AUTS2: variants seen among roughly 807,000 people sequenced by gnomAD.
The protein encoded by AUTS2 is autism susceptibility gene 2 protein.
In AUTS2, 17 loss-of-function variants were observed where a neutral mutation model predicts 112.4. The observed-to-expected ratio is 0.15, with a 90% CI of 0.10 to 0.23. The LOEUF (loss-of-function observed/expected upper bound fraction) is 0.23. AUTS2 is among the 10% of genes least tolerant of loss of function. AUTS2 has a pLI of 1.00. For missense variants in AUTS2, 1,510 were observed against 1,701.6 expected (o/e 0.89, Z 1.98); for synonymous variants, 751 against 702.7 (o/e 1.07, Z -1.09).
chr7:70,424,078 A>G (rs1795331444), intron 4 of AUTS2, among the ~76,000 whole-genome samples: 1 of 152,204 alleles, frequency 6.6e-6, no homozygotes, highest in Non-Finnish European at 1.5e-5. Context: ...GGTGTGTATC[A>G]TCGCCATTCA....
chr7:70,278,994 C>T (rs1788075723), intron 4 of AUTS2, among the ~76,000 whole-genome samples: 1 of 152,172 alleles, frequency 6.6e-6, no homozygotes, highest in African/African-American at 2.4e-5. Flanking sequence ...CTTCTTAAAA[C>T]TCAAAATCAT....
At chr7:69,704,528 T>C (rs1054651025) in intron 1 of AUTS2, among the ~76,000 whole-genome samples, 14 of 152,128 alleles carry the variant, frequency 9.2e-5, no homozygotes, top group Admixed American at 6.5e-4. Context: ...TCTGCCCATC[T>C]CGGCCTCCCA....
chr7:70,574,496 C>T (rs1332891720), intron 5 of AUTS2, among the ~76,000 whole-genome samples: 2 of 152,152 alleles, frequency 1.3e-5, no homozygotes, highest in Non-Finnish European at 2.9e-5. Flanking sequence ...AGATTTGGCC[C>T]TCTCTGTACT....
chr7:70,074,520 T>G (rs900521533), intron 2 of AUTS2, among the ~76,000 whole-genome samples: 2 of 152,196 alleles, frequency 1.3e-5, no homozygotes, highest in Non-Finnish European at 2.9e-5. Flanking sequence ...AGCCTCTTTA[T>G]CCCTCTCCTT....
rs575370251 is a variant in AUTS2, at chr7:69,633,355, C to T, written c.309+33393C>T. On this transcript the variant is annotated intron_variant, in intron 1 of 18. Transcript: ENST00000342771. ...CCCCACAGTTTATCCATTTGCCTGT[C>T]GACAGATGCTTAGGTTGTCTCCATA... Among the ~76,000 whole-genome samples, 3 of 152,032 alleles carry T rather than the reference C, an allele frequency of 2.0e-5. No homozygotes were observed. In the South Asian group the frequency reaches 6.2e-4, roughly 32 times the overall value.
At chr7:70,049,816 C>A (rs1801665421) in intron 2 of AUTS2, among the ~76,000 whole-genome samples, 1 of 151,842 alleles carries the variant, frequency 6.6e-6, no homozygotes, top group Non-Finnish European at 1.5e-5. Flanking sequence ...CTAGCCTGGG[C>A]AGCATAGCAA....
At chr7:70,497,562 G>A (rs1223316909) in intron 5 of AUTS2, among the ~76,000 whole-genome samples, 1 of 152,218 alleles carries the variant, frequency 6.6e-6, no homozygotes, top group African/African-American at 2.4e-5. Flanking sequence ...CCTCATGCAT[G>A]TGGAGAATGC....
chr7:70,160,661 G>C (rs1808030092), intron 4 of AUTS2, among the ~76,000 whole-genome samples: 1 of 152,148 alleles, frequency 6.6e-6, no homozygotes, highest in Non-Finnish European at 1.5e-5. Flanking sequence ...TCTACTCATG[G>C]CTGTGAGTGT....
chr7:69,699,850 G>A (rs1797731927), intron 1 of AUTS2, among the ~76,000 whole-genome samples: 1 of 151,966 alleles, frequency 6.6e-6, no homozygotes, highest in South Asian at 2.1e-4. Context: ...TCGCCATGTT[G>A]TCCAGGCTTG....
At chr7:69,651,554 G>A (rs746415826) in intron 1 of AUTS2, among the ~76,000 whole-genome samples, 13 of 152,208 alleles carry the variant, frequency 8.5e-5, no homozygotes, top group Non-Finnish European at 1.6e-4. Flanking sequence ...AGGACTGACT[G>A]TGTTTCTGCC....
At chr7:70,689,292 G>C (rs1233969598) in intron 5 of AUTS2, among the ~76,000 whole-genome samples, 1 of 152,100 alleles carries the variant, frequency 6.6e-6, no homozygotes, top group East Asian at 1.9e-4. Context: ...GAGGTAGGAG[G>C]ATCACTTGAG....
At chr7:70,058,400 T>A (rs1434155697) in intron 2 of AUTS2, among the ~76,000 whole-genome samples, 1 of 152,156 alleles carries the variant, frequency 6.6e-6, no homozygotes, top group Non-Finnish European at 1.5e-5. Context: ...TAAATTTCCC[T>A]GGAAAGTATG....
chr7:70,729,846 T>C (rs1787262444), intron 6 of AUTS2, among the ~76,000 whole-genome samples: 1 of 143,700 alleles, frequency 7.0e-6, no homozygotes, highest in Admixed American at 7.0e-5. Context: ...TGACACTGTT[T>C]GCCCATTGTA....
chr7:69,711,687 G>C (rs1292876511), intron 1 of AUTS2, among the ~76,000 whole-genome samples: 1 of 151,988 alleles, frequency 6.6e-6, no homozygotes, highest in African/African-American at 2.4e-5. Flanking sequence ...AAAAATAGAG[G>C]GAAAATAACC....
chr7:70,021,795 C>G (rs1800286448), intron 2 of AUTS2, among the ~76,000 whole-genome samples: 1 of 152,138 alleles, frequency 6.6e-6, no homozygotes, highest in South Asian at 2.1e-4. Flanking sequence ...AATCTGCATA[C>G]AGCCTTCAGC....
intron 2 of AUTS2, among the ~76,000 whole-genome samples, chr7:70,016,117 C>T (rs1054543922): frequency 6.6e-6 from 1 of 151,922 alleles, no homozygotes; most frequent in Non-Finnish European, 1.5e-5. Flanking sequence ...TAAATTAATG[C>T]AGAACTCACC....
At chr7:70,370,277 C>T (rs1792780800) in intron 4 of AUTS2, among the ~76,000 whole-genome samples, 1 of 152,106 alleles carries the variant, frequency 6.6e-6, no homozygotes, top group South Asian at 2.1e-4. Flanking sequence ...GAATCAATTT[C>T]ATGACCCAAA....
At chr7:70,393,682 A>G (rs765753407) in intron 4 of AUTS2, among the ~76,000 whole-genome samples, 1 of 152,176 alleles carries the variant, frequency 6.6e-6, no homozygotes, top group East Asian at 1.9e-4. Context: ...CCAGCCACCC[A>G]TGCCAAAGCA....
chr7:69,987,776 A>G (rs1175176075), intron 2 of AUTS2, among the ~76,000 whole-genome samples: 1 of 152,198 alleles, frequency 6.6e-6, no homozygotes, highest in Non-Finnish European at 1.5e-5. Flanking sequence ...GGACTTTAAA[A>G]ACATTGTTTT....
Sources: allele counts gnomAD v4.1 joint callset (sites outside exome capture counted in the v4.1 genomes callset), GRCh38; gene constraint gnomAD v4.1.1; transcripts MANE v1.5; gene names NCBI Gene and HGNC (gene_info 2026-07-23, HGNC 2026-07-21).